Variants in GUSB observed in about 807,000 individuals in gnomAD.
The protein encoded by GUSB is beta-glucuronidase.
Under a neutral mutation model 74.6 loss-of-function variants are expected in GUSB, and 51 were observed. The observed-to-expected ratio is 0.68, with a 90% CI of 0.55 to 0.86. The LOEUF is 0.86. Among genes scored for constraint, GUSB ranks in the 40% least tolerant of loss-of-function variants. The probability of loss-of-function intolerance (pLI) is 0.00; values close to 1 mark genes in which losing one functional copy is unlikely to be tolerated. For synonymous variants in GUSB, 360 were observed against 348.3 expected (o/e 1.03, Z -0.37); for missense variants, 736 against 853.7 (o/e 0.86, Z 1.72).
intron 3 of GUSB, 76 bp from the exon 4 acceptor site, chr7:65,979,617 TC>T: frequency 6.3e-7 from 1 of 1,598,438 alleles, no homozygotes; most frequent in Non-Finnish European, 8.6e-7. Context: ...CTCCCTGGCC[TC>T]CCCAGATCCA....
At chr7:65,962,802 G>T (rs905543398) in intron 11 of GUSB, among the ~76,000 whole-genome samples, 1 of 151,902 alleles carries the variant, frequency 6.6e-6, no homozygotes, top group Non-Finnish European at 1.5e-5. Flanking sequence ...AACCTGGGAG[G>T]TGGAGGTTGC....
At chr7:65,961,210 A>ACCG in intron 11 of GUSB, 147 bp from the exon 12 acceptor site, 1 of 777,572 alleles carries the variant, frequency 1.3e-6, no homozygotes, top group Non-Finnish European at 2.1e-6. Context: ...ATGCGGTGAC[A>ACCG]CAATCATAGC....
At chr7:65,976,795 TG>T (rs1791608367) in intron 4 of GUSB, among the ~76,000 whole-genome samples, 1 of 151,704 alleles carries the variant, frequency 6.6e-6, no homozygotes. Context: ...CAGCCGGTCG[TG>T]GTGGTGCGTG....
chr7:65,971,908 G>A (rs968388110), intron 8 of GUSB, among the ~76,000 whole-genome samples: 3 of 150,330 alleles, frequency 2.0e-5, no homozygotes, highest in Non-Finnish European at 3.0e-5. Flanking sequence ...GCGTGGTGGC[G>A]CATGCCTGTA....
intron 11 of GUSB, 160 bp downstream of exon 11, chr7:65,964,163 C>T (rs1002865344): frequency 3.9e-6 from 3 of 762,050 alleles, no homozygotes; most frequent in African/African-American, 1.7e-5. Flanking sequence ...CTAAACACAA[C>T]TTACTTTTCC....
At chr7:65,963,364 G>A (rs1019922123) in intron 11 of GUSB, among the ~76,000 whole-genome samples, 5 of 151,992 alleles carry the variant, frequency 3.3e-5, no homozygotes, top group African/African-American at 1.2e-4. Context: ...TCAAAGGCCT[G>A]TCTTTCCCTG....
intron 10 of GUSB, among the ~76,000 whole-genome samples, chr7:65,967,213 C>T (rs1790893046): frequency 6.6e-6 from 1 of 152,118 alleles, no homozygotes; most frequent in Non-Finnish European, 1.5e-5. Flanking sequence ...AATCCCAGCA[C>T]TTTGGGAGCC....
intron 8 of GUSB, among the ~76,000 whole-genome samples, chr7:65,973,068 C>T (rs1052976170): frequency 1.3e-5 from 2 of 152,232 alleles, no homozygotes; most frequent in African/African-American, 4.8e-5. Context: ...TGGTGGTTCA[C>T]ACCTGTAATC....
chr7:65,977,869 GAT>G (rs1482636082), intron 4 of GUSB, among the ~76,000 whole-genome samples: 1 of 152,008 alleles, frequency 6.6e-6, no homozygotes, highest in Non-Finnish European at 1.5e-5. Context: ...GGAGTGCAGT[GAT>G]GCAATCTCAG....
In GUSB at chr7:65,974,272, G is replaced by A. The variant is rs772040985; in HGVS notation, c.1391+23C>T. The A allele has an allele frequency of 6.2e-6, 10 of 1,612,698 alleles. No individual in the cohort carries two copies. In the East Asian group the frequency reaches 6.7e-5, roughly 11 times the overall value. ...CCAGGGTCTCCTTCCCACTCTAGCC[G>A]AGGGCAGGGAGGGAGCACTCACTTC... is the stretch of plus-strand genomic sequence containing the variant. On this transcript the variant is annotated intron_variant, in intron 8 of 11. Coordinates refer to ENST00000304895, the MANE Select transcript of GUSB (RefSeq NM_000181.4).
At chr7:65,966,739 A>T (rs533158391) in intron 10 of GUSB, among the ~76,000 whole-genome samples, 1 of 151,526 alleles carries the variant, frequency 6.6e-6, no homozygotes, top group Non-Finnish European at 1.5e-5. Flanking sequence ...AGCTATGATG[A>T]CACCACTGCA....
chr7:65,965,573 A>C (rs1392341157), intron 10 of GUSB, among the ~76,000 whole-genome samples: 1 of 152,176 alleles, frequency 6.6e-6, no homozygotes, highest in Non-Finnish European at 1.5e-5. Flanking sequence ...TCTGTCACCC[A>C]GGTGGGAGTA....
At chr7:65,979,325 G>C in intron 4 of GUSB, 74 bp downstream of exon 4, 1 of 1,426,888 alleles carries the variant, frequency 7.0e-7, no homozygotes, top group Non-Finnish European at 9.9e-7. Flanking sequence ...CTTTTTCCTG[G>C]GAGAGCTTTC....
intron 9 of GUSB, among the ~76,000 whole-genome samples, chr7:65,969,192 C>T (rs1408426639): frequency 2.6e-5 from 4 of 151,716 alleles, no homozygotes; most frequent in Admixed American, 2.6e-4. Flanking sequence ...ACCAGCCTGG[C>T]TAACATGGCA....
Position 65,961,069 on chromosome 7 carries a change from A to G in GUSB, c.1790-6T>C, listed in dbSNP as rs1790461971. 5.4e-6 allele frequency: 5 copies of G among 934,444 alleles called. No individual in the cohort carries two copies. Among genetic ancestry groups the G allele is most frequent in the Non-Finnish European group, 6.1e-6 (4 of 656,360 alleles). The allele number at this position is 934,444 out of a possible 1,614,324, so 57.9% of individuals were successfully genotyped here. A position where few individuals can be genotyped will look rare whatever the true frequency, so the allele number is the denominator to read the frequency against. Reference sequence around the variant, plus strand: ...CCCCAGCACTCTCGTCGGTGCTACAAAAAAAAAAAAAAGACACAAAGCGAT... The same window carrying G: ...CCCCAGCACTCTCGTCGGTGCTACAGAAAAAAAAAAAAGACACAAAGCGAT... On this transcript the variant is annotated splice_region_variant and splice_polypyrimidine_tract_variant and intron_variant, in intron 11 of 11. Coordinates refer to ENST00000304895, the MANE Select transcript of GUSB (RefSeq NM_000181.4).
chr7:65,980,569 G>C (rs1290902147), intron 1 of GUSB, 160 bp from the exon 2 acceptor site: 12 of 700,904 alleles, frequency 1.7e-5, no homozygotes, highest in Non-Finnish European at 3.0e-5. Flanking sequence ...TCAACTGCCA[G>C]GGCGATCTGT....
chr7:65,964,198 A>G (rs1790680684), intron 11 of GUSB, 125 bp downstream of exon 11: 5 of 933,280 alleles, frequency 5.4e-6, no homozygotes, highest in South Asian at 1.3e-5. Flanking sequence ...CGCAACCTAC[A>G]TGGATTAAAC....
intron 10 of GUSB, among the ~76,000 whole-genome samples, chr7:65,965,090 TAA>T (rs1491092887): frequency 2.7e-5 from 4 of 150,094 alleles, no homozygotes; most frequent in African/African-American, 9.8e-5. Context: ...TATATATATA[TAA>T]AAATTAAATT....
chr7:65,970,517 C>T (rs1279254989), intron 8 of GUSB, 151 bp from the exon 9 acceptor site: 30 of 623,938 alleles, frequency 4.8e-5, no homozygotes, highest in Middle Eastern at 4.1e-4. Context: ...TTTGGGAGGC[C>T]GAGGTGGGTG....
Sources: gnomAD v4.1 joint callset for allele counts (sites outside exome capture counted in the v4.1 genomes callset) on GRCh38, gnomAD v4.1.1 for gene constraint, MANE v1.5 for transcripts, NCBI Gene and HGNC (gene_info 2026-07-23, HGNC 2026-07-21) for gene names.